Variants in SLC9C1 observed in about 807,000 individuals in gnomAD.
The protein encoded by SLC9C1 is sodium/hydrogen exchanger 10.
Under a neutral mutation model 140.9 loss-of-function variants are expected in SLC9C1, and 97 were observed. That is an observed-to-expected ratio of 0.69 (90% confidence interval 0.58 to 0.82). The LOEUF is 0.82. Among genes scored for constraint, SLC9C1 ranks in the 40% least tolerant of loss-of-function variants. The pLI, the probability that SLC9C1 is intolerant of heterozygous loss-of-function variation, is 0.00. For missense variants in SLC9C1, 1,340 were observed against 1,389.3 expected (o/e 0.96, Z 0.56); for synonymous variants, 440 against 442.6 (o/e 0.99, Z 0.07).
intron 13 of SLC9C1, among the ~76,000 whole-genome samples, chr3:112,231,134 CTCTTTT>C (rs2078809922): frequency 7.7e-6 from 1 of 130,184 alleles, no homozygotes; most frequent in South Asian, 2.6e-4. Flanking sequence ...CTCTCTCTCT[CTCTTTT>C]TCTCCCTTTC....
intron 10 of SLC9C1, among the ~76,000 whole-genome samples, chr3:112,247,239 C>G (rs2079312903): frequency 6.6e-6 from 1 of 152,110 alleles, no homozygotes; most frequent in Non-Finnish European, 1.5e-5. Context: ...AAAGTGTCCT[C>G]AACTTCCTTT....
At chr3:112,210,661 A>G (rs2078176646) in intron 15 of SLC9C1, among the ~76,000 whole-genome samples, 2 of 152,238 alleles carry the variant, frequency 1.3e-5, no homozygotes, top group South Asian at 2.1e-4. Context: ...ATTTACCTCA[A>G]TTAAAAAGAG....
At chr3:112,239,783 A>G (rs2079091029) in intron 12 of SLC9C1, 57 bp downstream of exon 12, 2 of 1,408,028 alleles carry the variant, frequency 1.4e-6, no homozygotes, top group East Asian at 2.4e-5. Flanking sequence ...GATCTGATTT[A>G]TACTTCAGTA....
At chr3:112,202,975 T>A (rs1451474180) in intron 17 of SLC9C1, among the ~76,000 whole-genome samples, 2 of 152,046 alleles carry the variant, frequency 1.3e-5, no homozygotes, top group Non-Finnish European at 2.9e-5. Flanking sequence ...ACAACCTCCA[T>A]ACTCTACCCT....
chr3:112,169,117 A>G (rs548267063), intron 24 of SLC9C1, 55 bp from the exon 25 acceptor site: 3 of 1,571,618 alleles, frequency 1.9e-6, no homozygotes, highest in Admixed American at 1.9e-5. Flanking sequence ...TTCAGTATAT[A>G]TTCATAAATA....
At chr3:112,239,406 G>A (rs9758396) in intron 12 of SLC9C1, among the ~76,000 whole-genome samples, 90,003 of 152,112 alleles carry the variant, frequency 0.59, 27,166 homozygotes, top group East Asian at 0.79. Flanking sequence ...CGCTTCCTGC[G>A]TGAGGCGATG....
At chr3:112,248,128 A>G (rs2079344755) in intron 10 of SLC9C1, among the ~76,000 whole-genome samples, 1 of 152,128 alleles carries the variant, frequency 6.6e-6, no homozygotes, top group South Asian at 2.1e-4. Context: ...TGACCTATGG[A>G]GAGGTCCAAA....
intron 26 of SLC9C1, among the ~76,000 whole-genome samples, chr3:112,157,683 T>G (rs1422109611): frequency 6.6e-6 from 1 of 152,014 alleles, no homozygotes; most frequent in Non-Finnish European, 1.5e-5. Flanking sequence ...TTTGTGTTCC[T>G]TCTTTGATTT....
chr3:112,231,302 A>T (rs2078820169), intron 13 of SLC9C1, 59 bp downstream of exon 13: 2 of 1,588,180 alleles, frequency 1.3e-6, no homozygotes, highest in Non-Finnish European at 1.7e-6. Context: ...TTTATAAAGG[A>T]GGAATTTTTC....
intron 23 of SLC9C1, among the ~76,000 whole-genome samples, chr3:112,171,403 A>G (rs1057283498): frequency 6.6e-6 from 1 of 152,082 alleles, no homozygotes; most frequent in Non-Finnish European, 1.5e-5. Flanking sequence ...GGCCATTTGT[A>G]TATTCTTTGT....
At chr3:112,204,514 G>T in intron 16 of SLC9C1, 111 bp from the exon 17 acceptor site, 1 of 1,168,664 alleles carries the variant, frequency 8.6e-7, no homozygotes, top group Non-Finnish European at 1.2e-6. Context: ...TACTCCACAT[G>T]TATGAAATAT....
At chr3:112,194,859 G>T (rs2077737169) in intron 20 of SLC9C1, among the ~76,000 whole-genome samples, 1 of 151,418 alleles carries the variant, frequency 6.6e-6, no homozygotes, top group South Asian at 2.1e-4. Context: ...TCTCACTGTA[G>T]TTTTGATTTG....
At chr3:112,215,641 C>T (rs932224044) in intron 15 of SLC9C1, among the ~76,000 whole-genome samples, 9 of 152,150 alleles carry the variant, frequency 5.9e-5, no homozygotes, top group Non-Finnish European at 1.0e-4. Context: ...AGGAATCCAA[C>T]TTACAAGGGA....
At chr3:112,216,748 C>A (rs1348114390) in intron 15 of SLC9C1, among the ~76,000 whole-genome samples, 1 of 152,220 alleles carries the variant, frequency 6.6e-6, no homozygotes, top group Non-Finnish European at 1.5e-5. Flanking sequence ...CACATTTACA[C>A]TGTTTGTGGG....
Position 112,180,690 on chromosome 3 carries a change from T to A in SLC9C1, c.2650-28A>T, listed in dbSNP as rs762912881. 3.9e-6 allele frequency: 6 copies of A among 1,529,018 alleles called. No homozygotes were observed. The South Asian group carries it at 5.9e-5, about 15-fold the overall frequency. The allele number at this position is 1,529,018 out of a possible 1,614,324, so 94.7% of individuals were successfully genotyped here. ...AAAAGATACCACCAAATACATAAAC[T>A]ATAAACAACATTTTAGAAGTGGTTG... On this transcript the variant is annotated intron_variant, in intron 21 of 28. Coordinates refer to ENST00000305815, the MANE Select transcript of SLC9C1 (RefSeq NM_183061.3).
chr3:112,239,988 G>A lies in SLC9C1; in HGVS notation c.1298C>T (p.Ser433Leu). ...GCAACAAACCGATTTATATTTTGTT[G>A]ATGTGGCATCACGAAGACCTTTGAT... ...VTILGLRDAT[S>L]TKYKSVCCTF... Residue 433 changes from serine to leucine, a missense_variant, in exon 12 of 29, where the codon TCA becomes TTA. Ser to Leu is a moderately radical substitution (Grantham distance 145). Transcript: ENST00000305815. 1.2e-6 allele frequency: 2 copies of A among 1,610,954 alleles called. No homozygotes were observed. The highest frequency in any genetic ancestry group is 1.7e-6 in the Non-Finnish European group (2 of 1,178,818).
intron 5 of SLC9C1, among the ~76,000 whole-genome samples, chr3:112,276,400 A>T (rs1559744624): frequency 6.6e-6 from 1 of 151,408 alleles, no homozygotes; most frequent in African/African-American, 2.4e-5. Context: ...ATATATATGC[A>T]TATACACACG....
chr3:112,243,921 C>A (rs1300352854), intron 11 of SLC9C1, 74 bp downstream of exon 11: 3 of 1,089,956 alleles, frequency 2.8e-6, no homozygotes, highest in Non-Finnish European at 3.9e-6. Context: ...TGGATTCTTT[C>A]TTTATTATTA....
At chr3:112,259,886 T>C (rs544800917) in intron 10 of SLC9C1, among the ~76,000 whole-genome samples, 1 of 152,320 alleles carries the variant, frequency 6.6e-6, no homozygotes, top group South Asian at 2.1e-4. Context: ...ACAGATGTTC[T>C]CTATCAACAT....
Sources: gnomAD v4.1 joint callset for allele counts (sites outside exome capture counted in the v4.1 genomes callset) on GRCh38, gnomAD v4.1.1 for gene constraint, MANE v1.5 for transcripts, NCBI Gene and HGNC (gene_info 2026-07-23, HGNC 2026-07-21) for gene names.